SNTG1: variants seen among roughly 807,000 people sequenced by gnomAD.
SNTG1 encodes gamma-1-syntrophin.
A neutral mutation model predicts 74.7 loss-of-function variants in SNTG1; 39 were observed. That is an observed-to-expected ratio of 0.52 (90% CI 0.40 to 0.68). The LOEUF (loss-of-function observed/expected upper bound fraction) is 0.68, where lower values mean the gene tolerates loss of function less well. SNTG1 is among the 30% of genes least tolerant of loss of function. SNTG1 has a pLI of 0.00. For missense variants in SNTG1, 685 were observed against 609.5 expected, an observed-to-expected ratio of 1.12 and a Z score of -1.30; for synonymous variants, 254 against 217.1, an observed-to-expected ratio of 1.17 and a Z score of -1.49.
Position 50,123,474 on chromosome 8 carries a change from C to A in SNTG1, c.-102-49087C>A, listed in dbSNP as rs774733904. Among the ~76,000 whole-genome samples, 2 of 142,182 alleles carry A rather than the reference C, an allele frequency of 1.4e-5. 1 individual carries two copies. Among genetic ancestry groups the A allele is most frequent in the Non-Finnish European group, 3.1e-5 (2 of 63,864 alleles). 93.3% of individuals were successfully genotyped at this position (142,182 alleles called of 152,430 possible). On this transcript the variant is annotated intron_variant, in intron 1 of 18. Coordinates refer to ENST00000642720, the MANE Select transcript of SNTG1 (RefSeq NM_018967.5). ...GCTAAAATTATAGTTTTATTCACTG[C>A]TGCCAAAAATATAAAGAGATCAGGC...
chr8:50,284,991 G>C (rs1390343218), intron 2 of SNTG1, among the ~76,000 whole-genome samples: 1 of 152,072 alleles, frequency 6.6e-6, no homozygotes. Context: ...CTTCAGATGG[G>C]CAAGTTCTCC....
intron 1 of SNTG1, among the ~76,000 whole-genome samples, chr8:50,102,953 G>T (rs2080204019): frequency 6.6e-6 from 1 of 151,016 alleles, no homozygotes; most frequent in African/African-American, 2.4e-5. Context: ...TGCTGTTTTG[G>T]TTACTGTAGC....
At chr8:49,987,138 G>A (rs539714846) in intron 1 of SNTG1, among the ~76,000 whole-genome samples, 63 of 152,274 alleles carry the variant, frequency 4.1e-4, no homozygotes, top group African/African-American at 1.5e-3. Flanking sequence ...CAATTAAGTT[G>A]AAGTGTCATA....
rs187217488 is a variant in SNTG1, at chr8:50,766,926, A to G, written c.1395+14815A>G. ...GATTGTCAATAAAAGATCATCACCC[A>G]AAAGAAATAAATTATTAATAAGTGA... On this transcript the variant is annotated intron_variant, in intron 18 of 18. Coordinates refer to ENST00000642720, the MANE Select transcript of SNTG1 (RefSeq NM_018967.5). Among the ~76,000 whole-genome samples, 6 of 152,054 alleles carry G rather than the reference A, an allele frequency of 3.9e-5. No homozygotes were observed. In the East Asian group the frequency reaches 9.7e-4, roughly 25 times the overall value.
chr8:50,437,633 TAAC>T (rs1321563961), intron 4 of SNTG1, among the ~76,000 whole-genome samples: 4 of 152,176 alleles, frequency 2.6e-5, no homozygotes, highest in African/African-American at 9.7e-5. Flanking sequence ...AGGGACCAGA[TAAC>T]AAATATCTAC....
chr8:50,276,213 C>T (rs2130359143), intron 2 of SNTG1, among the ~76,000 whole-genome samples: 1 of 152,172 alleles, frequency 6.6e-6, no homozygotes, highest in South Asian at 2.1e-4. Flanking sequence ...GATGATGGAA[C>T]AGTTCAGTGA....
intron 2 of SNTG1, among the ~76,000 whole-genome samples, chr8:50,314,223 T>G (rs16914703): frequency 0.061 from 9,073 of 149,400 alleles, 506 homozygotes; most frequent in Middle Eastern, 0.12. Context: ...GTTGATTCTT[T>G]CATCTTTACT....
intron 2 of SNTG1, among the ~76,000 whole-genome samples, chr8:50,200,727 G>A (rs569270188): frequency 1.0e-3 from 156 of 152,102 alleles, no homozygotes; most frequent in South Asian, 2.9e-3. Flanking sequence ...AATGAATCAC[G>A]ATAAATGAAA....
At position 50,548,660 on chromosome 8, in the gene SNTG1, C is replaced by T. The variant is rs139819693; in HGVS notation, c.681-4390C>T. Among the ~76,000 whole-genome samples the T allele has an allele frequency of 2.0e-3, 300 of 152,146 alleles. 3 individuals carry two copies. Among genetic ancestry groups the T allele is most frequent in the African/African-American group, 6.9e-3 (285 of 41,510 alleles). On this transcript the variant is annotated intron_variant, in intron 11 of 18. Transcript: ENST00000642720. ...CGAACAGTATTTAGCGCTACACAAA[C>T]ATGTTTAATACCACAGAGAACAAGT...
chr8:49,964,875 C>T (rs947564601), intron 1 of SNTG1, among the ~76,000 whole-genome samples: 4 of 152,066 alleles, frequency 2.6e-5, no homozygotes, highest in Non-Finnish European at 5.9e-5. Context: ...TAGTGTATTT[C>T]ATTTTTTCTA....
intron 4 of SNTG1, among the ~76,000 whole-genome samples, chr8:50,435,096 T>G (rs987279196): frequency 6.6e-6 from 1 of 152,144 alleles, no homozygotes; most frequent in Admixed American, 6.6e-5. Flanking sequence ...GATAGTTATA[T>G]TTTTCTACAA....
chr8:50,701,002 G>A (rs905564655), intron 15 of SNTG1, among the ~76,000 whole-genome samples: 5 of 152,058 alleles, frequency 3.3e-5, no homozygotes, highest in African/African-American at 1.2e-4. Context: ...AAAGAGCAAA[G>A]GAGTAAAGTT....
chr8:50,637,207 C>A (rs1001619591), intron 13 of SNTG1, among the ~76,000 whole-genome samples: 5 of 152,066 alleles, frequency 3.3e-5, no homozygotes, highest in African/African-American at 1.2e-4. Context: ...ATCTCTAAAT[C>A]TTAGTATTTT....
chr8:50,338,902 A>G (rs1004653090), intron 2 of SNTG1, among the ~76,000 whole-genome samples: 5 of 152,118 alleles, frequency 3.3e-5, no homozygotes, highest in African/African-American at 9.7e-5. Flanking sequence ...TTCCAAAACT[A>G]ATGACAGGTA....
intron 2 of SNTG1, among the ~76,000 whole-genome samples, chr8:50,193,779 C>T (rs190765368): frequency 6.6e-6 from 1 of 152,096 alleles, no homozygotes; most frequent in African/African-American, 2.4e-5. Context: ...TCAACATTTC[C>T]CCATTCAGTA....
chr8:50,039,687 A>G (rs1818468644), intron 1 of SNTG1, among the ~76,000 whole-genome samples: 1 of 151,970 alleles, frequency 6.6e-6, no homozygotes, highest in Non-Finnish European at 1.5e-5. Flanking sequence ...CCCATATCAA[A>G]TCTTGCCATT....
intron 11 of SNTG1, among the ~76,000 whole-genome samples, chr8:50,543,710 A>T (rs1698574245): frequency 6.6e-6 from 1 of 152,162 alleles, no homozygotes; most frequent in South Asian, 2.1e-4. Flanking sequence ...AATGCTAAAA[A>T]GTGCAATGAA....
At chr8:50,073,889 T>G (rs1010614451) in intron 1 of SNTG1, among the ~76,000 whole-genome samples, 1 of 150,774 alleles carries the variant, frequency 6.6e-6, no homozygotes, top group African/African-American at 2.4e-5. Context: ...GACCATACTG[T>G]CAACTGATAT....
chr8:50,250,010 A>G (rs1293402655), intron 2 of SNTG1, among the ~76,000 whole-genome samples: 2 of 152,098 alleles, frequency 1.3e-5, no homozygotes, highest in Non-Finnish European at 2.9e-5. Context: ...AAAAAGAATT[A>G]CTAATAATGA....
Sources: gnomAD v4.1 joint callset for allele counts (sites outside exome capture counted in the v4.1 genomes callset) on GRCh38, gnomAD v4.1.1 for gene constraint, MANE v1.5 for transcripts, NCBI Gene and HGNC (gene_info 2026-07-23, HGNC 2026-07-21) for gene names.